DAG1: variants seen among roughly 807,000 people sequenced by gnomAD.
The protein encoded by DAG1 is dystroglycan 1, also known as dystroglycan 1 (dystrophin-associated glycoprotein 1).
A neutral mutation model predicts 46.1 loss-of-function variants in DAG1; 8 were observed. The ratio of observed to expected loss-of-function variants is 0.17; its 90% CI spans 0.10 to 0.31. The LOEUF (loss-of-function observed/expected upper bound fraction) is 0.31, where lower values mean the gene tolerates loss of function less well. DAG1 is among the 10% of genes least tolerant of loss of function. The pLI is 1.00. For missense variants in DAG1, 1,003 were observed against 1,189.9 expected (o/e 0.84, Z 2.31); for synonymous variants, 495 against 481.8 (o/e 1.03, Z -0.36).
At chr3:49,484,984 T>C (rs2049984633) in intron 1 of DAG1, among the ~76,000 whole-genome samples, 1 of 151,838 alleles carries the variant, frequency 6.6e-6, no homozygotes, top group Non-Finnish European at 1.5e-5. Context: ...TTTATTGTTA[T>C]TATTTTATTT....
intron 1 of DAG1, among the ~76,000 whole-genome samples, chr3:49,492,375 GGT>G (rs2050212211): frequency 6.6e-6 from 1 of 152,190 alleles, no homozygotes; most frequent in Admixed American, 6.5e-5. Flanking sequence ...GACTGGATGT[GGT>G]GGTTTATGCC....
At chr3:49,523,155 T>C (rs893292913) in intron 2 of DAG1, among the ~76,000 whole-genome samples, 10 of 152,152 alleles carry the variant, frequency 6.6e-5, no homozygotes, top group African/African-American at 1.9e-4. Context: ...GTGGCTGTGG[T>C]ATAGTAGGCA....
chr3:49,474,188 G>A (rs766253168), intron 1 of DAG1, among the ~76,000 whole-genome samples: 1 of 152,036 alleles, frequency 6.6e-6, no homozygotes, highest in African/African-American at 2.4e-5. Flanking sequence ...CCGAGTAGCT[G>A]GGACTACAGG....
chr3:49,529,306 G>C (rs577062220), intron 2 of DAG1, among the ~76,000 whole-genome samples: 9 of 152,204 alleles, frequency 5.9e-5, no homozygotes, highest in Non-Finnish European at 1.3e-4. Context: ...AAAGTACTGG[G>C]ATTATAGGTA....
chr3:49,532,725 C>G lies in DAG1; in HGVS notation c.2214C>G (p.Asp738Glu), dbSNP rs754599980. 6.2e-7 allele frequency: 1 copy of G among 1,614,188 alleles called. No individual in the cohort carries two copies. The highest frequency in any genetic ancestry group is 8.5e-7 in the Non-Finnish European group (1 of 1,180,042). The change falls in exon 3 of 3, where the codon GAC becomes GAG. Residue 738 changes from aspartate (D) to glutamate (E), a missense_variant. Transcript: ENST00000308775. This position sits in a 1 kb window ranked among gnomAD's most constrained non-coding sequence, Gnocchi z 5.4. ...PSEAPPTEVP[D>E]RDPEKSSEDD... ...AGGCGCCGCCCACAGAAGTGCCTGA[C>G]AGGGACCCTGAGAAGAGCAGTGAGG... is the stretch of plus-strand genomic sequence containing the variant.
intron 2 of DAG1, among the ~76,000 whole-genome samples, chr3:49,517,398 T>G (rs1281489874): frequency 6.6e-6 from 1 of 152,192 alleles, no homozygotes; most frequent in Non-Finnish European, 1.5e-5. Context: ...TTTAATGCTT[T>G]GTTCTAGTCA....
chr3:49,473,914 C>T (rs1229546970), intron 1 of DAG1, among the ~76,000 whole-genome samples: 3 of 147,766 alleles, frequency 2.0e-5, no homozygotes, highest in Admixed American at 6.8e-5. Context: ...GACAGAGTCT[C>T]ACTCTGTTAT....
At chr3:49,469,124 G>A (rs2049445229), upstream of DAG1, 1 of 152,314 alleles carries the variant, frequency 6.6e-6, no homozygotes, top group African/African-American at 2.4e-5. Flanking sequence ...CGCTCCTGAG[G>A]AGGGAGGGAA....
intron 1 of DAG1, among the ~76,000 whole-genome samples, chr3:49,501,471 T>TA (rs2050448795): frequency 6.6e-6 from 1 of 152,106 alleles, no homozygotes; most frequent in African/African-American, 2.4e-5. Flanking sequence ...TCCCACAACT[T>TA]ATAGTCTTGT....
chr3:49,532,080 C>T lies in DAG1; in HGVS notation c.1569C>T (p.Phe523=). 1 of 1,614,200 alleles carries T rather than the reference C, an allele frequency of 6.2e-7. No homozygotes were observed. The highest frequency in any genetic ancestry group is 8.5e-7 in the Non-Finnish European group (1 of 1,180,038). The change falls in exon 3 of 3, where the codon TTC becomes TTT. Residue 523 remains phenylalanine (F), a synonymous_variant. Coordinates refer to ENST00000308775, the MANE Select transcript of DAG1 (RefSeq NM_004393.6). This position sits in a 1 kb window ranked among gnomAD's most constrained non-coding sequence, Gnocchi z 5.4. ...AGGTGAAGATCCCGTCAGACACTTT[C>T]TATGACCATGAGGACACCACCACTG... is the stretch of plus-strand genomic sequence containing the variant. The part of the protein sequence containing the change: ...YFEVKIPSDT[F]YDHEDTTTDK...
chr3:49,474,758 C>T (rs997325251), intron 1 of DAG1, among the ~76,000 whole-genome samples: 1 of 151,966 alleles, frequency 6.6e-6, no homozygotes, highest in African/African-American at 2.4e-5. Flanking sequence ...GCTGGGATTA[C>T]AAGCCTGAGC....
chr3:49,471,884 G>C (rs1451599251), intron 1 of DAG1, among the ~76,000 whole-genome samples: 1 of 152,188 alleles, frequency 6.6e-6, no homozygotes, highest in East Asian at 1.9e-4. Flanking sequence ...AATAGTGTCT[G>C]CCCGCTAAGC....
intron 2 of DAG1, among the ~76,000 whole-genome samples, chr3:49,512,986 G>A (rs1238022624): frequency 6.6e-6 from 1 of 152,088 alleles, no homozygotes; most frequent in Non-Finnish European, 1.5e-5. Flanking sequence ...TATGATCTCT[G>A]CATTCAGACT....
intron 1 of DAG1, among the ~76,000 whole-genome samples, chr3:49,480,465 G>T (rs1443730824): frequency 6.7e-6 from 1 of 150,100 alleles, no homozygotes; most frequent in African/African-American, 2.4e-5. Flanking sequence ...TTTTAGTAGA[G>T]ACGGGGTTTC....
At chr3:49,512,591 C>T (rs1252628948) in intron 2 of DAG1, among the ~76,000 whole-genome samples, 1 of 151,398 alleles carries the variant, frequency 6.6e-6, no homozygotes. Context: ...GGGGTTTCAC[C>T]ATGTTGGCCA....
rs926108941 is a variant in DAG1, at chr3:49,533,822, A to G, written c.*623A>G. ...GACCAAGGGACAGTATTTTTTATCA[A>G]AGGAATACTATTTTTTCACACTACG... is the stretch of plus-strand genomic sequence containing the variant. On this transcript the variant is annotated 3_prime_UTR_variant, in exon 3 of 3. Coordinates refer to ENST00000308775, the MANE Select transcript of DAG1 (RefSeq NM_004393.6). 1 of 184,830 alleles carries G rather than the reference A, an allele frequency of 5.4e-6. No individual in the cohort carries two copies. The highest frequency in any genetic ancestry group is 5.5e-5 in the Admixed American group (1 of 18,210). 11.4% of individuals were successfully genotyped at this position (184,830 alleles called of 1,614,324 possible).
At chr3:49,530,759 A>T (rs1356674581) in intron 2 of DAG1, 38 bp from the exon 3 acceptor site, 1 of 1,614,092 alleles carries the variant, frequency 6.2e-7, no homozygotes, top group Admixed American at 1.7e-5. Flanking sequence ...TTATGCAGTG[A>T]CAATAGTATT....
intron 2 of DAG1, among the ~76,000 whole-genome samples, chr3:49,517,933 G>A (rs959815591): frequency 7.2e-5 from 11 of 152,242 alleles, no homozygotes; most frequent in African/African-American, 1.9e-4. Context: ...GGGAGCACAT[G>A]GAGTTGGGCT....
chr3:49,494,896 G>C (rs1000360067), intron 1 of DAG1, among the ~76,000 whole-genome samples: 2 of 152,098 alleles, frequency 1.3e-5, no homozygotes, highest in Admixed American at 1.3e-4. Flanking sequence ...GCCTCCCAAA[G>C]TGCTGGGATT....
Sources: gnomAD v4.1 joint callset for allele counts (sites outside exome capture counted in the v4.1 genomes callset) on GRCh38, gnomAD v4.1.1 for gene constraint, Gnocchi (gnomAD v3.1) non-coding constraint, MANE v1.5 for transcripts, NCBI Gene and HGNC (gene_info 2026-07-23, HGNC 2026-07-21) for gene names.